The following CACNB4 variants were observed in gnomAD, a reference collection of about 807,000 sequenced individuals.
The protein encoded by CACNB4 is voltage-dependent L-type calcium channel subunit beta-4.
A neutral mutation model predicts 71.2 loss-of-function variants in CACNB4; 32 were observed. The ratio of observed to expected loss-of-function variants is 0.45; its 90% CI spans 0.34 to 0.60. The LOEUF (loss-of-function observed/expected upper bound fraction) is 0.60, where lower values mean the gene tolerates loss of function less well. Among genes scored for constraint, CACNB4 ranks in the 20% least tolerant of loss-of-function variants. The pLI, the probability that CACNB4 is intolerant of heterozygous loss-of-function variation, is 0.01. For synonymous variants in CACNB4, 231 were observed against 236.9 expected (o/e 0.97, Z 0.23); for missense variants, 464 against 647.9 (o/e 0.72, Z 3.08).
intron 2 of CACNB4, chr2:151,967,418 A>G (rs970570882): frequency 6.6e-6 from 1 of 152,086 alleles, no homozygotes; most frequent in African/African-American, 2.4e-5. Flanking sequence ...CAAAGTACAA[A>G]AAGTAAAATA....
intron 2 of CACNB4, among the ~76,000 whole-genome samples, chr2:152,017,881 G>GA (rs933868419): frequency 4.6e-5 from 7 of 151,372 alleles, no homozygotes; most frequent in African/African-American, 1.7e-4. Flanking sequence ...TGCCCAGGCT[G>GA]GAGTGCAATG....
chr2:151,895,585 A>AT (rs1356458556), intron 2 of CACNB4, among the ~76,000 whole-genome samples: 1 of 152,000 alleles, frequency 6.6e-6, no homozygotes, highest in Non-Finnish European at 1.5e-5. Context: ...TACAGCTTGA[A>AT]TTTTTACCTT....
intron 8 of CACNB4, 71 bp downstream of exon 8, chr2:151,870,460 G>C: frequency 7.8e-7 from 1 of 1,276,180 alleles, no homozygotes; most frequent in Non-Finnish European, 1.1e-6. Flanking sequence ...GACCCTTGAG[G>C]AGCAAGCGTC....
chr2:152,027,034 GTAGCTGGGAT>G (rs1201832819), intron 2 of CACNB4, among the ~76,000 whole-genome samples: 14 of 152,020 alleles, frequency 9.2e-5, no homozygotes, highest in African/African-American at 2.9e-4. Context: ...AGCCTCCTCA[GTAGCTGGGAT>G]TACAGGCACA....
At chr2:152,036,686 G>A (rs16830649) in intron 2 of CACNB4, among the ~76,000 whole-genome samples, 10 of 151,900 alleles carry the variant, frequency 6.6e-5, no homozygotes, top group Non-Finnish European at 1.0e-4. Flanking sequence ...TGAGGATGTC[G>A]ACCTCTAGAA....
intron 2 of CACNB4, among the ~76,000 whole-genome samples, chr2:152,065,379 T>C (rs1686255131): frequency 7.9e-6 from 1 of 126,716 alleles, no homozygotes; most frequent in Non-Finnish European, 1.8e-5. Flanking sequence ...CAAGACTCCA[T>C]CTCAAAAGAA....
intron 2 of CACNB4, among the ~76,000 whole-genome samples, chr2:151,956,918 G>A (rs995426467): frequency 9.2e-5 from 14 of 152,162 alleles, no homozygotes; most frequent in African/African-American, 2.7e-4. Context: ...AGACCAAGGC[G>A]GTGGATCACC....
intron 2 of CACNB4, among the ~76,000 whole-genome samples, chr2:151,994,513 T>TC (rs200456583): frequency 2.3e-5 from 3 of 129,240 alleles, no homozygotes; most frequent in South Asian, 2.4e-4. Context: ...GCCAAAAGGG[T>TC]CCCCCCTTTT....
chr2:152,035,651 C>CTCTCTCTCTATATATA (rs796161186), intron 2 of CACNB4, among the ~76,000 whole-genome samples: 28 of 118,070 alleles, frequency 2.4e-4, no homozygotes, highest in Middle Eastern at 4.3e-3. Flanking sequence ...CTCTCTCTCT[C>CTCTCTCTCTATATATA]TATATATATA....
chr2:151,971,240 C>A, intron 2 of CACNB4: 1 of 502,754 alleles, frequency 2.0e-6, no homozygotes, highest in South Asian at 2.4e-5. Flanking sequence ...TACTCTTATT[C>A]GGAATAAAAT....
intron 2 of CACNB4, among the ~76,000 whole-genome samples, chr2:152,055,875 C>T (rs1685695616): frequency 6.6e-6 from 1 of 152,134 alleles, no homozygotes; most frequent in African/African-American, 2.4e-5. Context: ...GCAGTCAAGG[C>T]ACAGCAAGTG....
intron 2 of CACNB4, among the ~76,000 whole-genome samples, chr2:151,900,459 T>TG (rs1379427802): frequency 1.1e-4 from 16 of 152,060 alleles, no homozygotes; most frequent in Admixed American, 7.9e-4. Context: ...CAAGAAAAGG[T>TG]GGGGGCAGCA....
chr2:151,927,100 C>G (rs1435510655), intron 2 of CACNB4, among the ~76,000 whole-genome samples: 3 of 151,804 alleles, frequency 2.0e-5, no homozygotes, highest in African/African-American at 7.3e-5. Context: ...CTTTATGGCA[C>G]AAAAAAGTTA....
chr2:151,900,991 C>CTT (rs869114252), intron 2 of CACNB4, among the ~76,000 whole-genome samples: 9 of 9,034 alleles, frequency 1.0e-3, no homozygotes, highest in African/African-American at 2.1e-3. Flanking sequence ...TTCTTTCTTT[C>CTT]TTTTTTTTTT....
chr2:151,945,866 C>A (rs1379549769), intron 2 of CACNB4, among the ~76,000 whole-genome samples: 14 of 102,352 alleles, frequency 1.4e-4, no homozygotes, highest in African/African-American at 5.5e-4. Flanking sequence ...AGCAAGATGA[C>A]CCTGTCTTTA....
At chr2:151,859,949 T>C (rs1172282808) in intron 10 of CACNB4, 2 of 152,226 alleles carry the variant, frequency 1.3e-5, no homozygotes, top group African/African-American at 2.4e-5. Flanking sequence ...ATGTAAGGCA[T>C]GGAAGAGCCC....
At chr2:151,967,304 T>A (rs888050943) in intron 2 of CACNB4, 1 of 152,226 alleles carries the variant, frequency 6.6e-6, no homozygotes, top group Non-Finnish European at 1.5e-5. Flanking sequence ...AATCTGCCCA[T>A]CTGTGCCTCC....
intron 2 of CACNB4, among the ~76,000 whole-genome samples, chr2:151,983,675 TCACACACACACA>T (rs1553803380): frequency 5.6e-4 from 79 of 141,536 alleles, no homozygotes; most frequent in Admixed American, 1.2e-3. Flanking sequence ...TAAACTTTGG[TCACACACACACA>T]CACACACACA....
chr2:151,937,977 C>A (rs2099863343), intron 2 of CACNB4, among the ~76,000 whole-genome samples: 1 of 152,124 alleles, frequency 6.6e-6, no homozygotes, highest in Non-Finnish European at 1.5e-5. Flanking sequence ...AAATTTTATT[C>A]TTATATTTTA....
Sources: gnomAD v4.1 joint callset for allele counts (sites outside exome capture counted in the v4.1 genomes callset) on GRCh38, gnomAD v4.1.1 for gene constraint, MANE v1.5 for transcripts, NCBI Gene and HGNC (gene_info 2026-07-23, HGNC 2026-07-21) for gene names.